Variants in SYNE2 observed in about 807,000 individuals in gnomAD.
SYNE2 encodes spectrin repeat containing nuclear envelope protein 2.
Under a neutral mutation model 856.3 loss-of-function variants are expected in SYNE2, and 431 were observed. The observed-to-expected ratio is 0.50, with a 90% CI of 0.47 to 0.55. The LOEUF (loss-of-function observed/expected upper bound fraction) is 0.55. Ranked by LOEUF, SYNE2 falls within the 20% of genes least tolerant of loss-of-function variation. SYNE2 has a pLI of 0.00. For synonymous variants in SYNE2, 2,923 were observed against 2,872.3 expected, an observed-to-expected ratio of 1.02 and a Z score of -0.56; for missense variants, 8,129 against 8,023.2, an observed-to-expected ratio of 1.01 and a Z score of -0.50.
At chr14:63,774,965 T>A (rs1887056783) in intron 1 of SYNE2, among the ~76,000 whole-genome samples, 1 of 152,056 alleles carries the variant, frequency 6.6e-6, no homozygotes, top group Non-Finnish European at 1.5e-5. Context: ...TTTATTTATT[T>A]ATTTATTTAC....
Position 64,134,150 on chromosome 14 carries a change from T to C in SYNE2, c.14596T>C (p.Leu4866=), listed in dbSNP as rs751123758. 6.8e-6 allele frequency: 11 copies of C among 1,613,982 alleles called. No homozygotes were observed. In the African/African-American group the frequency reaches 9.3e-5, roughly 14 times the overall value. Residue 4866 remains leucine, a synonymous_variant, in exon 78 of 116, where the codon TTG becomes CTG. Coordinates refer to ENST00000555002, the MANE Select transcript of SYNE2 (RefSeq NM_182914.3). ...TATATCTACATTGCCCTCTGTGAGT[T>C]TGGTGGAAGAAACAGAGGAAAGATT... ...ILISTLPSVS[L]VEETEERLVE...
At position 64,090,726 on chromosome 14, in the gene SYNE2, G is replaced by A. The variant is rs1255949; in HGVS notation, c.11794-140G>A. On this transcript the variant is annotated intron_variant, in intron 59 of 115. Coordinates refer to ENST00000555002, the MANE Select transcript of SYNE2 (RefSeq NM_182914.3). ...CTCCCGGATCATGAGTGATATAATA[G>A]TTCTTTTCAATCTGAGCTAAGAAAT... is the stretch of plus-strand genomic sequence containing the variant. The A allele has an allele frequency of 0.81, 635,265 of 786,350 alleles. 260,854 individuals carry two copies. The highest frequency in any genetic ancestry group is 0.85 in the Non-Finnish European group (430,441 of 503,560). 48.7% of individuals were successfully genotyped at this position (786,350 alleles called of 1,614,324 possible). A position where few individuals can be genotyped will look rare whatever the true frequency, so the allele number is the denominator to read the frequency against.
intron 2 of SYNE2, among the ~76,000 whole-genome samples, chr14:63,914,379 T>C (rs553442530): frequency 3.3e-5 from 5 of 152,308 alleles, no homozygotes; most frequent in African/African-American, 7.2e-5. Context: ...TGGAGTTGAA[T>C]TGAAACCCAA....
chr14:63,807,857 ATATATAT>A (rs1888437015), intron 1 of SYNE2, among the ~76,000 whole-genome samples: 3 of 99,982 alleles, frequency 3.0e-5, no homozygotes, highest in South Asian at 7.2e-4. Context: ...ATATATATAT[ATATATAT>A]AATTTCAATA....
intron 2 of SYNE2, among the ~76,000 whole-genome samples, chr14:63,939,791 A>C (rs186963082): frequency 6.6e-6 from 1 of 152,236 alleles, no homozygotes; most frequent in Non-Finnish European, 1.5e-5. Flanking sequence ...ACACTGCTCA[A>C]GGTCACACAG....
Position 63,903,462 on chromosome 14 carries a change from A to G in SYNE2, c.-51-5636A>G, listed in dbSNP as rs536610745. 3.3e-5 allele frequency among the ~76,000 whole-genome samples: 5 copies of G among 152,214 alleles called. No homozygotes were observed. The East Asian group carries it at 9.6e-4, about 29-fold the overall frequency. ...GTTTTTTTTGGGTGCTATGTTATCT[A>G]ATTTTTTTCTGACACCTTTGTTATT... On this transcript the variant is annotated intron_variant, in intron 1 of 115. Coordinates refer to ENST00000555002, the MANE Select transcript of SYNE2 (RefSeq NM_182914.3).
chr14:63,998,358 T>C (rs1164170408), intron 26 of SYNE2, 30 bp downstream of exon 26: 1 of 1,453,696 alleles, frequency 6.9e-7, no homozygotes, highest in Non-Finnish European at 9.7e-7. Flanking sequence ...AACTGGAAAA[T>C]CCACCAGAAG....
chr14:64,053,258 C>T lies in SYNE2; in HGVS notation c.9345C>T (p.Phe3115=), dbSNP rs768731460. The change falls in exon 48 of 116, where the codon TTC becomes TTT. Residue 3115 remains phenylalanine (F), a synonymous_variant. Coordinates refer to ENST00000555002, the MANE Select transcript of SYNE2 (RefSeq NM_182914.3). ...AAAATAAGACCTTTGATGACTCATT[C>T]AAGGAGAAAGAAATACTACAAATAA... ...LNENKTFDDS[F]KEKEILQIKL... is the part of the protein sequence containing the mutation. 2 of 1,609,564 alleles carry T rather than the reference C, an allele frequency of 1.2e-6. No individual in the cohort carries two copies. The highest frequency in any genetic ancestry group is 1.3e-5 in the African/African-American group (1 of 74,492).
intron 1 of SYNE2, among the ~76,000 whole-genome samples, chr14:63,815,204 C>CGATATATATATGGATATATA (rs1888908639): frequency 2.4e-5 from 1 of 41,002 alleles, no homozygotes; most frequent in Admixed American, 3.3e-4. Context: ...ATATATATAT[C>CGATATATATATGGATATATA]CATATATATA....
chr14:64,218,142 A>C, intron 108 of SYNE2: 7 of 446,618 alleles, frequency 1.6e-5, no homozygotes, highest in South Asian at 1.5e-4. Context: ...ATTGAAACAG[A>C]CCCTTTTCTT....
intron 1 of SYNE2, among the ~76,000 whole-genome samples, chr14:63,807,745 C>T (rs1888418838): frequency 7.2e-6 from 1 of 138,936 alleles, no homozygotes; most frequent in Non-Finnish European, 1.5e-5. Context: ...GCCTCCACCT[C>T]CTGGGCTCAA....
chr14:63,948,730 ATGTG>A lies in SYNE2; in HGVS notation c.409-1093_409-1090del, dbSNP rs1461775070. Among the ~76,000 whole-genome samples, 12 of 88,874 alleles carry A rather than the reference ATGTG, an allele frequency of 1.4e-4. 1 individual carries two copies. The highest frequency in any genetic ancestry group is 2.9e-4 in the Admixed American group (2 of 6,924). 58.3% of individuals were successfully genotyped at this position (88,874 alleles called of 152,430 possible). The stretch of plus-strand genomic sequence containing the variant: ...TGTATATATATATGTGTGTATATAT[ATGTG>A]TATAGATATGTGTGTGTATATATAT... On this transcript the variant is annotated intron_variant, in intron 6 of 115. Transcript: ENST00000555002.
chr14:64,203,847 G>A (rs7148072), intron 100 of SYNE2, among the ~76,000 whole-genome samples: 68,709 of 151,890 alleles, frequency 0.45, 17,732 homozygotes, highest in African/African-American at 0.72. Context: ...CGGATTGGGG[G>A]TGAACCTTTT....
intron 96 of SYNE2, among the ~76,000 whole-genome samples, chr14:64,186,185 G>A (rs1356446123): frequency 6.6e-6 from 1 of 152,138 alleles, no homozygotes; most frequent in Non-Finnish European, 1.5e-5. Context: ...CAAAATCAGA[G>A]CTACCTGAGG....
chr14:63,920,750 T>C (rs12889954), intron 2 of SYNE2, among the ~76,000 whole-genome samples: 35,463 of 151,280 alleles, frequency 0.23, 5,215 homozygotes, highest in African/African-American at 0.42. Flanking sequence ...TCAAGAGATA[T>C]CATCTAATTG....
intron 1 of SYNE2, among the ~76,000 whole-genome samples, chr14:63,843,946 C>T (rs559212164): frequency 6.6e-6 from 1 of 152,072 alleles, no homozygotes; most frequent in South Asian, 2.1e-4. Flanking sequence ...GCCCTCCTTC[C>T]ACACACACAC....
At chr14:63,812,832 G>C (rs1266009658) in intron 1 of SYNE2, among the ~76,000 whole-genome samples, 1 of 152,044 alleles carries the variant, frequency 6.6e-6, no homozygotes, top group Non-Finnish European at 1.5e-5. Flanking sequence ...AAACCACCAT[G>C]GCACATGTAT....
Position 63,997,387 on chromosome 14 carries a change from A to T in SYNE2, c.3239A>T (p.Glu1080Val). ...AAATCAGATAATCAGCCATCAACTGAAAAGGTGTTAAATGTGGATAATGTA... is the reference window on the plus strand; with the variant it reads ...AAATCAGATAATCAGCCATCAACTGTAAAGGTGTTAAATGTGGATAATGTA... Reference protein sequence around the residue: ...FAKSDNQPSTEKAMEPTMKFS... With the variant: ...FAKSDNQPSTVKAMEPTMKFS... The change falls in exon 25 of 116, where the codon GAA becomes GTA. Residue 1080 changes from glutamate to valine, a missense_variant. By Grantham distance (121) the Glu-to-Val change is moderately radical. Around this residue, in one of 3 missense-constraint regions of SYNE2, gnomAD observed 2,422 missense variants for 2,357.4 expected, o/e 1.03. Transcript: ENST00000555002. The T allele has an allele frequency of 6.2e-7, 1 of 1,610,026 alleles. No homozygotes were observed. The highest frequency in any genetic ancestry group is 1.1e-5 in the South Asian group (1 of 90,094).
At chr14:64,218,594 T>A in intron 109 of SYNE2, 82 bp downstream of exon 109, 14 of 1,330,924 alleles carry the variant, frequency 1.1e-5, no homozygotes, top group Non-Finnish European at 1.4e-5. Context: ...CATTAGATAT[T>A]AACCAACTAT....
Sources: allele counts gnomAD v4.1 joint callset (sites outside exome capture counted in the v4.1 genomes callset), GRCh38; gene constraint gnomAD v4.1.1; regional missense constraint gnomAD v4.1.1; transcripts MANE v1.5; gene names NCBI Gene and HGNC (gene_info 2026-07-23, HGNC 2026-07-21).